Variants in SHANK2 observed in about 807,000 individuals in gnomAD.
SHANK2 encodes the protein SH3 and multiple ankyrin repeat domains protein 2.
Under a neutral mutation model 133.7 loss-of-function variants are expected in SHANK2, and 43 were observed. The ratio of observed to expected loss-of-function variants is 0.32; its 90% CI spans 0.25 to 0.41. SHANK2 has a LOEUF of 0.41. SHANK2 is among the 10% of genes least tolerant of loss of function. SHANK2 has a pLI of 1.00. For synonymous variants in SHANK2, 1,017 were observed against 952.8 expected, an observed-to-expected ratio of 1.07 and a Z score of -1.24; for missense variants, 1,994 against 2,235.8, an observed-to-expected ratio of 0.89 and a Z score of 2.18.
rs191956178 is a variant in SHANK2, at chr11:70,870,381, G to A, written c.1174+26120C>T. 5.8e-4 allele frequency among the ~76,000 whole-genome samples: 88 copies of A among 152,322 alleles called. 1 individual carries two copies. The East Asian group carries it at 5.8e-3, about 10-fold the overall frequency. ...TTCTGGACAGATGGGAAAAGGGCAG[G>A]TGAGCGCCAGGAAAGATCTAGGAAG... On this transcript the variant is annotated intron_variant, in intron 11 of 25. Coordinates refer to ENST00000601538, the MANE Select transcript of SHANK2 (RefSeq NM_012309.5).
At chr11:71,227,066 G>A (rs1373007649) in intron 1 of SHANK2, among the ~76,000 whole-genome samples, 1 of 151,952 alleles carries the variant, frequency 6.6e-6, no homozygotes, top group Non-Finnish European at 1.5e-5. Context: ...AATGCCTAGA[G>A]CAACCACTTA....
chr11:70,719,208 GAATAGACACTTTGTGACGGTTCA>G (rs782299490), intron 14 of SHANK2, among the ~76,000 whole-genome samples: 17 of 152,340 alleles, frequency 1.1e-4, no homozygotes, highest in African/African-American at 3.8e-4. Context: ...ACCCACGTTG[GAATAGACACTTTGTGACGGTTCA>G]AATAGACACT....
rs571361303 is a variant in SHANK2 at position 71,239,397 on chromosome 11, T to C, written c.-113+13028A>G. On this transcript the variant is annotated intron_variant, in intron 1 of 25. Transcript: ENST00000601538. Reference sequence around the variant, plus strand: ...AATACGTTAATAATGATAATGATGATGACTGACTAAGCTACCTACAAAGAT... The same window carrying C: ...AATACGTTAATAATGATAATGATGACGACTGACTAAGCTACCTACAAAGAT... Among the ~76,000 whole-genome samples the C allele has an allele frequency of 7.2e-5, 11 of 152,356 alleles. No individual in the cohort carries two copies. In the South Asian group the frequency reaches 2.3e-3, roughly 32 times the overall value.
At chr11:70,760,297 G>A (rs782487430) in intron 14 of SHANK2, among the ~76,000 whole-genome samples, 1 of 152,198 alleles carries the variant, frequency 6.6e-6, no homozygotes, top group Non-Finnish European at 1.5e-5. Flanking sequence ...TCCTCGAAGC[G>A]CCTGCCTCTG....
chr11:70,736,677 G>A (rs1042234446), intron 14 of SHANK2, among the ~76,000 whole-genome samples: 2 of 152,112 alleles, frequency 1.3e-5, no homozygotes, highest in Admixed American at 6.5e-5. Context: ...GAGACAATCC[G>A]TTCTCTGCTG....
At chr11:71,164,451 C>T (rs868984881) in intron 2 of SHANK2, among the ~76,000 whole-genome samples, 15 of 152,312 alleles carry the variant, frequency 9.8e-5, no homozygotes, top group Admixed American at 3.9e-4. Flanking sequence ...AATAACCCAG[C>T]GGGCCCCAGT....
At chr11:70,913,334 T>C (rs1341024433) in intron 10 of SHANK2, among the ~76,000 whole-genome samples, 1 of 152,110 alleles carries the variant, frequency 6.6e-6, no homozygotes, top group African/African-American at 2.4e-5. Context: ...GGGGGCTCTA[T>C]GTGCTAAAAT....
chr11:70,502,168 TG>T lies in SHANK2; in HGVS notation c.2278+37del, dbSNP rs1555158773. 3.9e-6 allele frequency: 6 copies of T among 1,546,704 alleles called. No homozygotes were observed. The Admixed American group carries it at 1.2e-4, about 30-fold the overall frequency. ...GCAAAGGGCAGCTCAGGGACCGGCATGGTGACTGTACAGGGCTGGGCCGGGT... is the reference window on the plus strand; with the variant it reads ...GCAAAGGGCAGCTCAGGGACCGGCATGTGACTGTACAGGGCTGGGCCGGGT... On this transcript the variant is annotated intron_variant, in intron 19 of 25. Transcript: ENST00000601538.
chr11:70,798,241 T>C (rs1251460640), intron 14 of SHANK2, among the ~76,000 whole-genome samples: 1 of 152,104 alleles, frequency 6.6e-6, no homozygotes, highest in Non-Finnish European at 1.5e-5. Context: ...TTCCACACCA[T>C]CTTGTAAGGA....
chr11:70,685,861 C>T (rs1382326047), intron 15 of SHANK2, among the ~76,000 whole-genome samples: 6 of 152,130 alleles, frequency 3.9e-5, no homozygotes, highest in Non-Finnish European at 8.8e-5. Flanking sequence ...CAAGTACTGC[C>T]TATAGAGAGG....
At chr11:70,924,031 G>T (rs1192031249) in intron 10 of SHANK2, among the ~76,000 whole-genome samples, 1 of 152,200 alleles carries the variant, frequency 6.6e-6, no homozygotes, top group South Asian at 2.1e-4. Context: ...GCACGAGGGA[G>T]CAGACAGGGG....
chr11:70,698,528 C>T (rs1294975651), intron 15 of SHANK2, among the ~76,000 whole-genome samples, 160 bp downstream of exon 15: 1 of 152,218 alleles, frequency 6.6e-6, no homozygotes, highest in African/African-American at 2.4e-5. Flanking sequence ...CAGGCAGGGG[C>T]TCCAGGAGAT....
At chr11:71,137,330 A>G (rs1952462744) in intron 3 of SHANK2, among the ~76,000 whole-genome samples, 1 of 145,890 alleles carries the variant, frequency 6.9e-6, no homozygotes, top group Non-Finnish European at 1.5e-5. Flanking sequence ...GGTAACTGCT[A>G]TCTAAGAGAG....
chr11:70,533,422 CA>C (rs1565104932), intron 17 of SHANK2, among the ~76,000 whole-genome samples: 1 of 152,072 alleles, frequency 6.6e-6, no homozygotes, highest in Non-Finnish European at 1.5e-5. Context: ...TTCAAGGTCT[CA>C]AATACAGAGA....
Position 70,830,565 on chromosome 11 carries a change from G to C in SHANK2, c.1175-9883C>G, listed in dbSNP as rs1426132264. Among the ~76,000 whole-genome samples, 8 of 152,350 alleles carry C rather than the reference G, an allele frequency of 5.3e-5. No homozygotes were observed. The highest frequency in any genetic ancestry group is 3.9e-4 in the Admixed American group (6 of 15,314). On this transcript the variant is annotated intron_variant, in intron 11 of 25. Coordinates refer to ENST00000601538, the MANE Select transcript of SHANK2 (RefSeq NM_012309.5). The surrounding 1 kb of genome is among the most constrained non-coding windows in gnomAD (Gnocchi z 4.4). ...GTGCACAGCCTCCCGCAGAACTCCGGGAATTCGCTAGCGCCCTTCCCATCT... is the reference window on the plus strand; with the variant it reads ...GTGCACAGCCTCCCGCAGAACTCCGCGAATTCGCTAGCGCCCTTCCCATCT...
intron 17 of SHANK2, among the ~76,000 whole-genome samples, chr11:70,641,666 T>C (rs2061184811): frequency 6.6e-6 from 1 of 152,208 alleles, no homozygotes; most frequent in Non-Finnish European, 1.5e-5. Flanking sequence ...AGCTGGGAGC[T>C]GGGAGGAGCC....
intron 4 of SHANK2, among the ~76,000 whole-genome samples, chr11:71,117,422 C>G (rs4608106): frequency 0.067 from 10,127 of 152,180 alleles, 513 homozygotes; most frequent in Non-Finnish European, 0.096. Flanking sequence ...TTCCTAAAAC[C>G]TTTGTACTGT....
chr11:71,133,575 G>A (rs1590943857), intron 3 of SHANK2, among the ~76,000 whole-genome samples: 1 of 151,588 alleles, frequency 6.6e-6, no homozygotes, highest in East Asian at 2.0e-4. Flanking sequence ...GAGGGGGGAT[G>A]TGGATGGATT....
intron 10 of SHANK2, among the ~76,000 whole-genome samples, chr11:70,936,304 G>A (rs185723063): frequency 4.3e-4 from 66 of 152,316 alleles, no homozygotes; most frequent in African/African-American, 1.6e-3. Context: ...CTGAGGTCAG[G>A]AGTTTGAGAC....
Sources: gnomAD v4.1 joint callset for allele counts (sites outside exome capture counted in the v4.1 genomes callset) on GRCh38, gnomAD v4.1.1 for gene constraint, Gnocchi (gnomAD v3.1) non-coding constraint, MANE v1.5 for transcripts, NCBI Gene and HGNC (gene_info 2026-07-23, HGNC 2026-07-21) for gene names.